HIBADH: variants seen among roughly 807,000 people sequenced by gnomAD.
HIBADH encodes 3-hydroxyisobutyrate dehydrogenase.
A neutral mutation model predicts 36.1 loss-of-function variants in HIBADH; 25 were observed. The observed-to-expected ratio is 0.69, with a 90% CI of 0.50 to 0.97. The LOEUF (loss-of-function observed/expected upper bound fraction) is 0.97, where lower values mean the gene tolerates loss of function less well. Ranked by LOEUF, HIBADH falls within the 50% of genes least tolerant of loss-of-function variation. HIBADH has a pLI of 0.00. For missense variants in HIBADH, 421 were observed against 418.0 expected, an observed-to-expected ratio of 1.01 and a Z score of -0.06; for synonymous variants, 160 against 149.5, an observed-to-expected ratio of 1.07 and a Z score of -0.51.
chr7:27,624,099 C>T (rs1785596437), intron 4 of HIBADH, among the ~76,000 whole-genome samples: 2 of 152,116 alleles, frequency 1.3e-5, no homozygotes, highest in Non-Finnish European at 2.9e-5. Context: ...CATGCCCGGC[C>T]AAATTAATAT....
chr7:27,541,248 T>C (rs936273713), intron 5 of HIBADH, among the ~76,000 whole-genome samples: 1 of 152,158 alleles, frequency 6.6e-6, no homozygotes, highest in Non-Finnish European at 1.5e-5. Flanking sequence ...AACTGTCTGC[T>C]GTCTCTTGGT....
intron 4 of HIBADH, among the ~76,000 whole-genome samples, chr7:27,598,967 G>A (rs1432886430): frequency 4.7e-5 from 7 of 147,512 alleles, no homozygotes; most frequent in African/African-American, 1.5e-4. Context: ...AAAAAAAAAA[G>A]AAAAAGTATG....
At chr7:27,611,508 ACACC>A (rs3072898) in intron 4 of HIBADH, among the ~76,000 whole-genome samples, 64,520 of 151,380 alleles carry the variant, frequency 0.43, 14,552 homozygotes, top group East Asian at 0.94. Flanking sequence ...GCACACACAC[ACACC>A]CACCCACCCA....
chr7:27,641,540 G>A (rs1444295019), intron 2 of HIBADH, among the ~76,000 whole-genome samples: 2 of 152,138 alleles, frequency 1.3e-5, no homozygotes, highest in Non-Finnish European at 2.9e-5. Flanking sequence ...CTCATCCCAA[G>A]TCGTGTCTTG....
At chr7:27,617,166 T>C (rs1785446592) in intron 4 of HIBADH, among the ~76,000 whole-genome samples, 1 of 152,210 alleles carries the variant, frequency 6.6e-6, no homozygotes, top group African/African-American at 2.4e-5. Context: ...TTTTTTATCT[T>C]TTATATTGTA....
At chr7:27,578,481 AT>A (rs371410223) in intron 4 of HIBADH, among the ~76,000 whole-genome samples, 1 of 151,708 alleles carries the variant, frequency 6.6e-6, no homozygotes, top group African/African-American at 2.4e-5. Context: ...CACCTGGCTG[AT>A]TTTTTTTGTA....
chr7:27,612,746 C>CA (rs1479602020), intron 4 of HIBADH, among the ~76,000 whole-genome samples: 1 of 150,988 alleles, frequency 6.6e-6, no homozygotes, highest in Non-Finnish European at 1.5e-5. Context: ...TCAGCCTGGG[C>CA]AGCACAGCCA....
intron 7 of HIBADH, among the ~76,000 whole-genome samples, chr7:27,527,396 C>CA (rs1562609609): frequency 6.6e-6 from 1 of 152,102 alleles, no homozygotes. Context: ...TGGTACAACA[C>CA]AAACGAGGCT....
Position 27,662,681 on chromosome 7 carries a change from A to C in HIBADH, c.91+17T>G, listed in dbSNP as rs1786448632. ...GGCCGAAAGAAGGACAAGGGGGAGG[A>C]GGCGTGAGGTCCTTACCCGCTGCAA... is the stretch of plus-strand genomic sequence containing the variant. On this transcript the variant is annotated intron_variant, in intron 1 of 7. Transcript: ENST00000265395. 1 of 1,286,592 alleles carries C rather than the reference A, an allele frequency of 7.8e-7. No homozygotes were observed. Among genetic ancestry groups the C allele is most frequent in the Non-Finnish European group, 1.0e-6 (1 of 1,003,312 alleles). The allele number at this position is 1,286,592 out of a possible 1,614,324, so 79.7% of individuals were successfully genotyped here. A position where few individuals can be genotyped will look rare whatever the true frequency, so the allele number is the denominator to read the frequency against.
intron 4 of HIBADH, among the ~76,000 whole-genome samples, chr7:27,580,004 A>G (rs1274091163): frequency 2.7e-5 from 4 of 150,890 alleles, no homozygotes; most frequent in African/African-American, 4.9e-5. Flanking sequence ...AATACATGAG[A>G]GTCTGTTTGA....
At chr7:27,608,764 C>G (rs142573128) in intron 4 of HIBADH, among the ~76,000 whole-genome samples, 4 of 152,268 alleles carry the variant, frequency 2.6e-5, no homozygotes, top group African/African-American at 9.6e-5. Context: ...CTAAATTCAC[C>G]TTTATATAAA....
intron 7 of HIBADH, among the ~76,000 whole-genome samples, chr7:27,527,784 CTT>C (rs1208271450): frequency 1.5e-5 from 2 of 131,684 alleles, no homozygotes; most frequent in Non-Finnish European, 3.1e-5. Flanking sequence ...GAGTTTCTCT[CTT>C]GTTGCCCAGG....
At chr7:27,547,354 T>C (rs1028416121) in intron 4 of HIBADH, among the ~76,000 whole-genome samples, 5 of 152,172 alleles carry the variant, frequency 3.3e-5, no homozygotes, top group African/African-American at 1.2e-4. Context: ...CAATCTAAAA[T>C]AGCATCTCAT....
intron 4 of HIBADH, among the ~76,000 whole-genome samples, chr7:27,551,777 T>C (rs932009917): frequency 1.3e-5 from 2 of 152,232 alleles, no homozygotes; most frequent in African/African-American, 4.8e-5. Context: ...CATTGATATA[T>C]AGCCAAACAT....
At chr7:27,641,382 T>C (rs922373626) in intron 2 of HIBADH, among the ~76,000 whole-genome samples, 3 of 152,130 alleles carry the variant, frequency 2.0e-5, no homozygotes, top group African/African-American at 4.8e-5. Flanking sequence ...CTTGACTTGA[T>C]ATAGTAACAC....
intron 4 of HIBADH, among the ~76,000 whole-genome samples, chr7:27,545,268 G>A (rs1337234036): frequency 6.6e-6 from 1 of 151,862 alleles, no homozygotes; most frequent in Admixed American, 6.6e-5. Flanking sequence ...CGGCGAAACC[G>A]TCTTTACAAA....
At chr7:27,643,809 T>C (rs1230270434) in intron 2 of HIBADH, among the ~76,000 whole-genome samples, 1 of 152,216 alleles carries the variant, frequency 6.6e-6, no homozygotes, top group Non-Finnish European at 1.5e-5. Context: ...CAGCTTCTGA[T>C]GGCTCCTGAT....
intron 7 of HIBADH, among the ~76,000 whole-genome samples, chr7:27,527,934 T>C (rs1472658464): frequency 3.1e-5 from 4 of 130,904 alleles, no homozygotes; most frequent in Non-Finnish European, 6.5e-5. Flanking sequence ...TTTTTTTTTT[T>C]TTTTTTTTAG....
intron 4 of HIBADH, among the ~76,000 whole-genome samples, chr7:27,621,767 G>T (rs895037550): frequency 3.9e-5 from 6 of 152,138 alleles, no homozygotes; most frequent in African/African-American, 1.4e-4. Context: ...ATTACAGCCT[G>T]GGTGACAAAG....
Sources: allele counts gnomAD v4.1 joint callset (sites outside exome capture counted in the v4.1 genomes callset), GRCh38; gene constraint gnomAD v4.1.1; transcripts MANE v1.5; gene names NCBI Gene and HGNC (gene_info 2026-07-23, HGNC 2026-07-21).